Variants in GMDS observed in about 807,000 individuals in gnomAD.
The protein encoded by GMDS is GDP-mannose 4,6-dehydratase.
In GMDS, 20 loss-of-function variants were observed where a neutral mutation model predicts 49.9. That is an observed-to-expected ratio of 0.40 (90% CI 0.28 to 0.58). GMDS has a LOEUF of 0.58. Among genes scored for constraint, GMDS ranks in the 20% least tolerant of loss-of-function variants. The pLI, the probability that GMDS is intolerant of heterozygous loss-of-function variation, is 0.42. For synonymous variants in GMDS, 177 were observed against 178.6 expected (o/e 0.99, Z 0.07); for missense variants, 362 against 481.4 (o/e 0.75, Z 2.32).
intron 1 of GMDS, among the ~76,000 whole-genome samples, chr6:2,194,957 C>T (rs1346375372): frequency 1.3e-5 from 2 of 152,074 alleles, no homozygotes; most frequent in African/African-American, 4.8e-5. Context: ...CACAATTACC[C>T]CTTAAACAGC....
intron 4 of GMDS, among the ~76,000 whole-genome samples, chr6:2,035,353 G>T (rs774642108): frequency 3.9e-5 from 6 of 152,112 alleles, no homozygotes; most frequent in Non-Finnish European, 8.8e-5. Flanking sequence ...AGAGCTCAAA[G>T]CTTATCCATT....
chr6:1,813,893 T>C (rs913108957), intron 7 of GMDS, among the ~76,000 whole-genome samples: 2 of 152,206 alleles, frequency 1.3e-5, no homozygotes, highest in East Asian at 1.9e-4. Context: ...TTGCTTAACA[T>C]AAACAGTAAT....
intron 7 of GMDS, among the ~76,000 whole-genome samples, chr6:1,873,032 CT>C (rs1758854492): frequency 6.6e-6 from 1 of 152,210 alleles, no homozygotes; most frequent in South Asian, 2.1e-4. Flanking sequence ...TTTCGTCAGT[CT>C]GCGTGAACTG....
At chr6:1,818,115 G>A (rs1268132150) in intron 7 of GMDS, among the ~76,000 whole-genome samples, 1 of 152,100 alleles carries the variant, frequency 6.6e-6, no homozygotes, top group Non-Finnish European at 1.5e-5. Context: ...ATTAATGCAT[G>A]ATGCATATTT....
intron 7 of GMDS, among the ~76,000 whole-genome samples, chr6:1,819,776 A>AATATATAT (rs397742149): frequency 1.9e-5 from 2 of 103,548 alleles, no homozygotes; most frequent in South Asian, 3.5e-4. Flanking sequence ...AAAAAAAAAA[A>AATATATAT]ATATATATAT....
chr6:1,889,281 T>C (rs867934993), intron 7 of GMDS, among the ~76,000 whole-genome samples: 22 of 152,310 alleles, frequency 1.4e-4, no homozygotes, highest in Middle Eastern at 3.4e-3. Context: ...AGTCATTCCA[T>C]AGCATTTCCC....
chr6:1,967,326 C>T (rs2127311679), intron 4 of GMDS, among the ~76,000 whole-genome samples: 1 of 152,290 alleles, frequency 6.6e-6, no homozygotes, highest in East Asian at 1.9e-4. Flanking sequence ...GGAAGCACGC[C>T]TTGGCACAGT....
intron 7 of GMDS, among the ~76,000 whole-genome samples, chr6:1,814,945 A>G (rs1200629170): frequency 2.0e-5 from 3 of 152,238 alleles, no homozygotes; most frequent in South Asian, 2.1e-4. Flanking sequence ...AAAGGTGTCT[A>G]TTTCAAATCA....
intron 1 of GMDS, among the ~76,000 whole-genome samples, chr6:2,153,395 T>C (rs558892388): frequency 6.6e-6 from 1 of 151,976 alleles, no homozygotes; most frequent in South Asian, 2.1e-4. Context: ...ACCAAATAAT[T>C]AAAAAGCAAA....
intron 7 of GMDS, among the ~76,000 whole-genome samples, chr6:1,855,656 A>G (rs981899811): frequency 2.0e-5 from 3 of 152,222 alleles, no homozygotes; most frequent in Non-Finnish European, 2.9e-5. Context: ...CAACTGGACC[A>G]AGTGATAAAA....
intron 4 of GMDS, among the ~76,000 whole-genome samples, chr6:2,088,055 T>C (rs980280495): frequency 6.6e-6 from 1 of 151,814 alleles, no homozygotes; most frequent in African/African-American, 2.4e-5. Flanking sequence ...GCTCATATGC[T>C]GGAGTGGAGG....
intron 1 of GMDS, among the ~76,000 whole-genome samples, chr6:2,230,985 C>T (rs1484177627): frequency 1.5e-5 from 2 of 130,508 alleles, no homozygotes; most frequent in East Asian, 5.2e-4. Context: ...GGTTGACCAA[C>T]TCACAAAGCT....
chr6:1,848,991 T>A (rs578195414), intron 7 of GMDS, among the ~76,000 whole-genome samples: 48 of 152,272 alleles, frequency 3.2e-4, no homozygotes, highest in African/African-American at 1.1e-3. Context: ...AACCACTAGA[T>A]GACAGTGGCA....
chr6:2,123,460 C>T (rs1330689262), intron 2 of GMDS, among the ~76,000 whole-genome samples: 3 of 152,208 alleles, frequency 2.0e-5, no homozygotes, highest in Admixed American at 2.0e-4. Flanking sequence ...ATCACTAATT[C>T]CTCTCTAGCC....
At chr6:1,795,026 C>CAAAACA (rs1211033141) in intron 7 of GMDS, among the ~76,000 whole-genome samples, 1 of 151,948 alleles carries the variant, frequency 6.6e-6, no homozygotes, top group Non-Finnish European at 1.5e-5. Context: ...CCCATCTCTA[C>CAAAACA]AAAACAAAAA....
At chr6:1,927,531 C>A (rs1762084368) in intron 7 of GMDS, among the ~76,000 whole-genome samples, 1 of 152,228 alleles carries the variant, frequency 6.6e-6, no homozygotes, top group South Asian at 2.1e-4. Context: ...CTTTTTGCAC[C>A]AACCCCTACT....
intron 7 of GMDS, among the ~76,000 whole-genome samples, chr6:1,907,279 G>C (rs1458488319): frequency 6.6e-6 from 1 of 152,154 alleles, no homozygotes; most frequent in Non-Finnish European, 1.5e-5. Flanking sequence ...GGGAAGATGA[G>C]AAACTGGTGG....
chr6:1,980,908 A>C (rs1325907443), intron 4 of GMDS, among the ~76,000 whole-genome samples: 2 of 152,222 alleles, frequency 1.3e-5, no homozygotes, highest in African/African-American at 4.8e-5. Flanking sequence ...AACTATTAAT[A>C]CATGGAAATT....
chr6:1,999,603 C>G (rs1323108049), intron 4 of GMDS, among the ~76,000 whole-genome samples: 2 of 150,470 alleles, frequency 1.3e-5, no homozygotes, highest in African/African-American at 2.4e-5. Flanking sequence ...TTGGACTCAA[C>G]TGGAGGTAGA....
Sources: gnomAD v4.1 joint callset for allele counts (sites outside exome capture counted in the v4.1 genomes callset) on GRCh38, gnomAD v4.1.1 for gene constraint, MANE v1.5 for transcripts, NCBI Gene and HGNC (gene_info 2026-07-23, HGNC 2026-07-21) for gene names.